Variants in LMLN observed in about 807,000 individuals in gnomAD.
The protein encoded by LMLN is leishmanolysin like peptidase.
LMLN carries 70 observed loss-of-function variants against 92.3 expected under a neutral mutation model. The ratio of observed to expected loss-of-function variants is 0.76; its 90% CI spans 0.63 to 0.92. The LOEUF is 0.92. Among genes scored for constraint, LMLN ranks in the 40% least tolerant of loss-of-function variants. The pLI is 0.00. For synonymous variants in LMLN, 308 were observed against 296.2 expected (o/e 1.04, Z -0.41); for missense variants, 691 against 814.6 (o/e 0.85, Z 1.85).
intron 14 of LMLN, among the ~76,000 whole-genome samples, chr3:198,033,406 A>AC (rs11374155): frequency 6.6e-6 from 1 of 151,492 alleles, no homozygotes; most frequent in Non-Finnish European, 1.5e-5. Context: ...TTATAAAAAA[A>AC]ATTATTATTT....
At chr3:198,038,635 C>A in exon 16 of LMLN, 2 of 1,613,794 alleles carry the variant, frequency 1.2e-6, no homozygotes, top group Non-Finnish European at 1.7e-6. Flanking sequence ...GTTTCCTCTG[C>A]TGGCTGGATT....
chr3:198,002,553 C>T (rs754602616), intron 11 of LMLN, among the ~76,000 whole-genome samples: 15 of 152,184 alleles, frequency 9.9e-5, no homozygotes, highest in Non-Finnish European at 1.2e-4. Flanking sequence ...GTGTGGCAAA[C>T]ATAGTGAAAC....
intron 8 of LMLN, among the ~76,000 whole-genome samples, chr3:197,987,240 A>T (rs1464964575): frequency 7.1e-6 from 1 of 141,844 alleles, no homozygotes; most frequent in Non-Finnish European, 1.5e-5. Context: ...GCTCAGTGCC[A>T]GCTCCGCCTC....
exon 16 of LMLN, chr3:198,040,427 GA>G (rs982894926): frequency 6.6e-6 from 1 of 151,986 alleles, no homozygotes; most frequent in African/African-American, 2.4e-5. Context: ...AATATGAAAA[GA>G]AAAAAGAAAA....
At chr3:198,033,967 TAAC>T (rs1225965189) in intron 14 of LMLN, among the ~76,000 whole-genome samples, 1 of 152,202 alleles carries the variant, frequency 6.6e-6, no homozygotes, top group African/African-American at 2.4e-5. Flanking sequence ...TATTTCAACT[TAAC>T]TGATGATAGA....
chr3:198,016,129 T>C (rs1480127507), intron 11 of LMLN, among the ~76,000 whole-genome samples: 1 of 147,264 alleles, frequency 6.8e-6, no homozygotes, highest in African/African-American at 2.5e-5. Context: ...AGGTCACAGC[T>C]GTGGTGAGCT....
At chr3:198,014,094 C>T (rs1413117434) in intron 11 of LMLN, among the ~76,000 whole-genome samples, 1 of 146,728 alleles carries the variant, frequency 6.8e-6, no homozygotes, top group Non-Finnish European at 1.5e-5. Flanking sequence ...TTCTCTGTAC[C>T]CTTCAGAGTC....
chr3:198,021,883 CA>C (rs1331814183), intron 13 of LMLN, among the ~76,000 whole-genome samples: 1 of 152,224 alleles, frequency 6.6e-6, no homozygotes, highest in Non-Finnish European at 1.5e-5. Context: ...TTCGCGTATG[CA>C]TGCACACACG....
rs1257759763 is a variant in LMLN at position 198,039,760 on chromosome 3, T to C, written c.*1093T>C. On this transcript the variant is annotated 3_prime_UTR_variant, in exon 16 of 16. Coordinates refer to ENST00000330198, the Ensembl canonical transcript of LMLN. Reference sequence around the variant, plus strand: ...CAGTTTACGGCAGAACTGCTGTCAGTGTGCTGGTAGCCCTCTATTCATCCC... The same window carrying C: ...CAGTTTACGGCAGAACTGCTGTCAGCGTGCTGGTAGCCCTCTATTCATCCC... 2.0e-5 allele frequency: 3 copies of C among 152,242 alleles called. No homozygotes were observed. In the East Asian group the frequency reaches 5.8e-4, roughly 29 times the overall value. 9.4% of individuals were successfully genotyped at this position (152,242 alleles called of 1,614,324 possible).
chr3:198,015,548 C>G (rs1309404587), intron 11 of LMLN, among the ~76,000 whole-genome samples: 1 of 141,608 alleles, frequency 7.1e-6, no homozygotes, highest in African/African-American at 2.7e-5. Context: ...TCTTCAGAGC[C>G]CCCTAACTAG....
intron 11 of LMLN, 84 bp from the exon 12 acceptor site, chr3:198,002,931 C>A: frequency 1.3e-6 from 1 of 750,762 alleles, no homozygotes; most frequent in African/African-American, 1.7e-5. Context: ...CTAATGTGCT[C>A]ATTGTTGAGA....
intron 13 of LMLN, among the ~76,000 whole-genome samples, chr3:198,022,160 C>T (rs549158116): frequency 6.6e-6 from 1 of 152,282 alleles, no homozygotes; most frequent in African/African-American, 2.4e-5. Context: ...AAGATAGAAG[C>T]AACATGTCAC....
At position 198,019,348 on chromosome 3, in the gene LMLN, T is replaced by C. The variant is rs1722721189; in HGVS notation, c.1328T>C (p.Leu443Ser). 6.2e-7 allele frequency: 1 copy of C among 1,614,158 alleles called. No homozygotes were observed. Among genetic ancestry groups the C allele is most frequent in the Non-Finnish European group, 8.5e-7 (1 of 1,180,028 alleles). The change falls in exon 12 of 16, where the codon TTG becomes TCG. Residue 443 changes from leucine to serine, a missense_variant. Physicochemically the swap from Leu to Ser is moderately radical, Grantham distance 145. Transcript: ENST00000330198. The surrounding 1 kb of genome is among the most constrained non-coding windows in gnomAD (Gnocchi z 5.5). Reference sequence around the variant, plus strand: ...CAGAGAGCAGTTGCCGTGTGTAATTTGCAGAAGTTCCCTAAGCCTTTACCA... The same window carrying C: ...CAGAGAGCAGTTGCCGTGTGTAATTCGCAGAAGTTCCCTAAGCCTTTACCA...
chr3:197,981,474 T>C (rs1721556442), intron 6 of LMLN, among the ~76,000 whole-genome samples: 2 of 152,264 alleles, frequency 1.3e-5, no homozygotes, highest in South Asian at 4.1e-4. Flanking sequence ...TTAGGACTTC[T>C]GTGCTAAAAC....
intron 15 of LMLN, 122 bp from the exon 17 acceptor site, chr3:198,038,445 A>G (rs562449178): frequency 2.8e-6 from 2 of 710,778 alleles, no homozygotes; most frequent in African/African-American, 3.5e-5. Flanking sequence ...CTCTTGATTT[A>G]GCTCTCAAGG....
intron 1 of LMLN, among the ~76,000 whole-genome samples, chr3:197,968,893 A>G (rs1369703792): frequency 6.6e-6 from 1 of 152,214 alleles, no homozygotes; most frequent in Non-Finnish European, 1.5e-5. Flanking sequence ...ATATTGGACT[A>G]TTCAGGTTAT....
In LMLN at chr3:198,014,057, C is replaced by A. The variant is rs553531623; in HGVS notation, c.1233-5196C>A. Among the ~76,000 whole-genome samples the A allele has an allele frequency of 1.2e-3, 174 of 146,306 alleles. 6 individuals carry two copies. The highest frequency in any genetic ancestry group is 4.5e-3 in the African/African-American group (171 of 37,726). On this transcript the variant is annotated intron_variant, in intron 11 of 15. Coordinates refer to ENST00000330198, the Ensembl canonical transcript of LMLN. Reference sequence around the variant, plus strand: ...TCTAACTAGTCTGACTTCTCTGTACCCTTCAGAGCCTCCTAACTAGTCTGA... The same window carrying A: ...TCTAACTAGTCTGACTTCTCTGTACACTTCAGAGCCTCCTAACTAGTCTGA...
At chr3:197,969,687 T>C (rs770447236) in intron 1 of LMLN, among the ~76,000 whole-genome samples, 1 of 152,128 alleles carries the variant, frequency 6.6e-6, no homozygotes, top group African/African-American at 2.4e-5. Context: ...AAATATTGAG[T>C]GTTTGCTCCA....
chr3:198,013,071 CT>C (rs1250930586), intron 11 of LMLN, among the ~76,000 whole-genome samples: 1 of 139,752 alleles, frequency 7.2e-6, no homozygotes, highest in Non-Finnish European at 1.5e-5. Flanking sequence ...TCAGAGCCCC[CT>C]AACTAGTCTG....
Sources: allele counts gnomAD v4.1 joint callset (sites outside exome capture counted in the v4.1 genomes callset), GRCh38; gene constraint gnomAD v4.1.1; non-coding constraint Gnocchi (gnomAD v3.1); transcripts MANE v1.5; gene names NCBI Gene and HGNC (gene_info 2026-07-23, HGNC 2026-07-21).